Variants in RFX3 observed in about 807,000 individuals in gnomAD.
The protein encoded by RFX3 is regulatory factor X3, also known as transcription factor RFX3.
RFX3 carries 14 observed loss-of-function variants against 98.6 expected under a neutral mutation model. The ratio of observed to expected loss-of-function variants is 0.14; its 90% CI spans 0.09 to 0.22. The LOEUF (loss-of-function observed/expected upper bound fraction) is 0.22. Among genes scored for constraint, RFX3 ranks in the 10% least tolerant of loss-of-function variants. The pLI is 1.00. For synonymous variants in RFX3, 383 were observed against 328.4 expected, an observed-to-expected ratio of 1.17 and a Z score of -1.80; for missense variants, 639 against 926.9, an observed-to-expected ratio of 0.69 and a Z score of 4.03.
intron 14 of RFX3, among the ~76,000 whole-genome samples, chr9:3,249,459 C>T (rs1431563538): frequency 5.3e-5 from 8 of 152,038 alleles, no homozygotes; most frequent in Admixed American, 3.9e-4. Context: ...AACTTACATG[C>T]TTATTTCAAG....
chr9:3,324,447 G>C (rs1165653767), intron 4 of RFX3, among the ~76,000 whole-genome samples: 1 of 151,562 alleles, frequency 6.6e-6, no homozygotes, highest in Non-Finnish European at 1.5e-5. Flanking sequence ...AAGATAGATG[G>C]GCAATTCAGC....
intron 1 of RFX3, among the ~76,000 whole-genome samples, chr9:3,507,496 A>C (rs943857482): frequency 3.9e-5 from 6 of 151,930 alleles, no homozygotes; most frequent in Admixed American, 3.9e-4. Flanking sequence ...AATCTGCCTA[A>C]CATTAAACTG....
At chr9:3,505,725 T>C in intron 1 of RFX3, among the ~76,000 whole-genome samples, 1 of 151,356 alleles carries the variant, frequency 6.6e-6, no homozygotes, top group Non-Finnish European at 1.5e-5. Flanking sequence ...TTCTTAATCA[T>C]CCTATTTAAA....
chr9:3,339,409 C>T (rs1554670721), intron 3 of RFX3, among the ~76,000 whole-genome samples: 1 of 152,102 alleles, frequency 6.6e-6, no homozygotes, highest in South Asian at 2.1e-4. Context: ...TAACCACACA[C>T]ATGTACGTTA....
chr9:3,365,569 C>T (rs1430571205), intron 2 of RFX3, among the ~76,000 whole-genome samples: 2 of 152,248 alleles, frequency 1.3e-5, no homozygotes, highest in African/African-American at 4.8e-5. Context: ...CCATAATACT[C>T]CTCTAGCAAG....
intron 1 of RFX3, among the ~76,000 whole-genome samples, chr9:3,412,691 C>T (rs1842559617): frequency 6.6e-6 from 1 of 152,074 alleles, no homozygotes; most frequent in Admixed American, 6.6e-5. Flanking sequence ...TAATAGGATT[C>T]TGTCCACTTT....
chr9:3,501,037 T>C (rs1221552720), intron 1 of RFX3, among the ~76,000 whole-genome samples: 1 of 152,168 alleles, frequency 6.6e-6, no homozygotes, highest in Non-Finnish European at 1.5e-5. Flanking sequence ...TGGGTCCTTG[T>C]CTCCTCAAGG....
chr9:3,506,917 C>T (rs938696870), intron 1 of RFX3, among the ~76,000 whole-genome samples: 1 of 151,974 alleles, frequency 6.6e-6, no homozygotes, highest in East Asian at 1.9e-4. Context: ...AGTAAGACTG[C>T]ATTGCTTGAA....
In RFX3 at chr9:3,392,990, T is replaced by A. The variant is rs1025169529; in HGVS notation, c.117+2482A>T. Reference sequence around the variant, plus strand: ...ATAGGTTGAGACATGAAATTATTGTTTTTGTACCTAAAAAAACACATATGG... The same window carrying A: ...ATAGGTTGAGACATGAAATTATTGTATTTGTACCTAAAAAAACACATATGG... On this transcript the variant is annotated intron_variant, in intron 2 of 16. Coordinates refer to ENST00000617270, the MANE Select transcript of RFX3 (RefSeq NM_001282116.2). Among the ~76,000 whole-genome samples, 10 of 122,120 alleles carry A rather than the reference T, an allele frequency of 8.2e-5. 1 individual carries two copies. In the Admixed American group the frequency reaches 1.0e-3, roughly 12 times the overall value. The allele number at this position is 122,120 out of a possible 152,430, so 80.1% of individuals were successfully genotyped here.
intron 14 of RFX3, among the ~76,000 whole-genome samples, chr9:3,252,433 T>C (rs531505337): frequency 3.3e-5 from 5 of 150,276 alleles, no homozygotes; most frequent in Admixed American, 2.6e-4. Context: ...GCATTTTAAG[T>C]TGGGGTATCT....
In RFX3 at chr9:3,220,975, T is replaced by C. The variant is rs1179698971; in HGVS notation, c.*4067A>G. 1 of 152,192 alleles carries C rather than the reference T, an allele frequency of 6.6e-6. No homozygotes were observed. The highest frequency in any genetic ancestry group is 1.5e-5 in the Non-Finnish European group (1 of 68,034). The allele number at this position is 152,192 out of a possible 1,614,324, so 9.4% of individuals were successfully genotyped here. A position where few individuals can be genotyped will look rare whatever the true frequency, so the allele number is the denominator to read the frequency against. On this transcript the variant is annotated 3_prime_UTR_variant, in exon 17 of 17. Transcript: ENST00000617270. ...GCATGCCAATCCTCCTCCCCCATGA[T>C]CTGCTGTGATTCATACAGATCACAA... is the stretch of plus-strand genomic sequence containing the variant.
intron 1 of RFX3, among the ~76,000 whole-genome samples, chr9:3,496,142 G>C (rs901311576): frequency 3.3e-5 from 5 of 151,892 alleles, no homozygotes; most frequent in African/African-American, 4.8e-5. Flanking sequence ...TGCTCATACA[G>C]ATTTTTACAC....
intron 4 of RFX3, among the ~76,000 whole-genome samples, chr9:3,315,722 T>C (rs1830506862): frequency 6.6e-6 from 1 of 152,100 alleles, no homozygotes. Flanking sequence ...AAATACAAAC[T>C]ACCATCAGAA....
chr9:3,403,166 C>T (rs1313846091), intron 1 of RFX3, among the ~76,000 whole-genome samples: 1 of 151,970 alleles, frequency 6.6e-6, no homozygotes, highest in Non-Finnish European at 1.5e-5. Flanking sequence ...GGCTTTCTTC[C>T]GCCTTCACCC....
intron 1 of RFX3, among the ~76,000 whole-genome samples, chr9:3,470,353 C>G (rs557217091): frequency 6.8e-6 from 1 of 147,790 alleles, no homozygotes; most frequent in East Asian, 2.0e-4. Flanking sequence ...CTCACTCTGT[C>G]GCCCAGGCTG....
At chr9:3,337,562 G>C (rs1833335476) in intron 3 of RFX3, among the ~76,000 whole-genome samples, 1 of 152,220 alleles carries the variant, frequency 6.6e-6, no homozygotes, top group Non-Finnish European at 1.5e-5. Flanking sequence ...GACATGTCAT[G>C]TTTACAGTGG....
intron 5 of RFX3, among the ~76,000 whole-genome samples, chr9:3,294,666 A>C (rs1485062613): frequency 6.6e-6 from 1 of 152,202 alleles, no homozygotes; most frequent in Non-Finnish European, 1.5e-5. Context: ...ATGACAACTG[A>C]ATTTCCAAAA....
At chr9:3,327,160 A>C (rs1832016351) in intron 4 of RFX3, among the ~76,000 whole-genome samples, 1 of 152,132 alleles carries the variant, frequency 6.6e-6, no homozygotes, top group South Asian at 2.1e-4. Flanking sequence ...AAATATACAT[A>C]AACTCAATTA....
intron 1 of RFX3, chr9:3,452,551 C>T (rs78472695): frequency 0.045 from 6,850 of 152,796 alleles, 535 homozygotes; most frequent in African/African-American, 0.15. Context: ...TATGATTGTG[C>T]CACTGCACTC....
Sources: allele counts gnomAD v4.1 joint callset (sites outside exome capture counted in the v4.1 genomes callset), GRCh38; gene constraint gnomAD v4.1.1; transcripts MANE v1.5; gene names NCBI Gene and HGNC (gene_info 2026-07-23, HGNC 2026-07-21).